The following PINK1 variants were observed in gnomAD, a reference collection of about 807,000 sequenced individuals.
PINK1 encodes the protein serine/threonine-protein kinase PINK1, mitochondrial.
PINK1 carries 58 observed loss-of-function variants against 56.0 expected under a neutral mutation model. That is an observed-to-expected ratio of 1.04 (90% CI 0.84 to 1.29). The LOEUF (loss-of-function observed/expected upper bound fraction) is 1.29. Among genes scored for constraint, PINK1 ranks in the 50% most tolerant of loss-of-function variants. PINK1 has a pLI of 0.00. For synonymous variants in PINK1, 354 were observed against 339.3 expected, an observed-to-expected ratio of 1.04 and a Z score of -0.48; for missense variants, 745 against 777.9, an observed-to-expected ratio of 0.96 and a Z score of 0.50.
At chr1:20,640,433 C>T (rs1278338763) in intron 3 of PINK1, among the ~76,000 whole-genome samples, 1 of 152,210 alleles carries the variant, frequency 6.6e-6, no homozygotes, top group East Asian at 1.9e-4. Context: ...GCCCAGAGGT[C>T]TCAGTGTGGC....
chr1:20,647,074 T>TTTTTTGGGGGGG (rs2053192936), intron 5 of PINK1, among the ~76,000 whole-genome samples: 1 of 140,366 alleles, frequency 7.1e-6, no homozygotes, highest in Admixed American at 7.2e-5. Context: ...TTTTTTTTTT[T>TTTTTTGGGGGGG]GAGACTGAGT....
At chr1:20,635,680 C>A (rs2053050012) in intron 1 of PINK1, among the ~76,000 whole-genome samples, 1 of 151,408 alleles carries the variant, frequency 6.6e-6, no homozygotes, top group Non-Finnish European at 1.5e-5. Flanking sequence ...AACCCCGCCT[C>A]TACTAAAAAT....
rs1570409349 is a variant in PINK1, at chr1:20,650,531, G to C, written c.1586G>C (p.Gly529Ala). 1.2e-6 allele frequency: 2 copies of C among 1,614,204 alleles called. No homozygotes were observed. The highest frequency in any genetic ancestry group is 1.7e-6 in the Non-Finnish European group (2 of 1,180,022). ...LKNLKLDKMV[G>A]WLLQQSAATL... ...AATCTGAAGTTAGACAAGATGGTTG[G>C]CTGGCTCCTCCAACAATCGGCCGCC... Residue 529 changes from glycine to alanine, a missense_variant, in exon 8 of 8, where the codon GGC becomes GCC. Gly to Ala is a moderately conservative substitution (Grantham distance 60, BLOSUM62 0). Transcript: ENST00000321556.
chr1:20,633,721 G>C lies in PINK1; in HGVS notation c.173G>C (p.Arg58Thr), dbSNP rs956491558. Reference protein sequence around the residue: ...WAAGPGAEPRRVGLGLPNRLR... With the variant: ...WAAGPGAEPRTVGLGLPNRLR... ...GCAGGACCGGGCGCGGAGCCTCGCA[G>C]GGTCGGGCTCGGGCTCCCTAACCGT... Residue 58 changes from arginine (R) to threonine (T), a missense_variant, in exon 1 of 8, where the codon AGG (arginine) becomes ACG (threonine). Physicochemically the swap from Arg to Thr is moderately conservative, Grantham distance 71. Coordinates refer to ENST00000321556, the MANE Select transcript of PINK1 (RefSeq NM_032409.3). The C allele has an allele frequency of 3.9e-6, 6 of 1,529,650 alleles. No individual in the cohort carries two copies. Among genetic ancestry groups the C allele is most frequent in the Non-Finnish European group, 5.2e-6 (6 of 1,144,062 alleles). The allele number at this position is 1,529,650 out of a possible 1,614,324, so 94.8% of individuals were successfully genotyped here. A position where few individuals can be genotyped will look rare whatever the true frequency, so the allele number is the denominator to read the frequency against.
intron 4 of PINK1, 85 bp downstream of exon 4, chr1:20,644,757 A>G (rs752762678): frequency 1.2e-4 from 183 of 1,529,340 alleles, no homozygotes; most frequent in Middle Eastern, 2.1e-4. Flanking sequence ...CACCTTGATC[A>G]GGGGGTTTTG....
intron 2 of PINK1, chr1:20,638,860 G>C (rs1412356397): frequency 3.3e-5 from 5 of 152,936 alleles, no homozygotes; most frequent in Non-Finnish European, 7.3e-5. Flanking sequence ...TCACTGGAGA[G>C]GGGGAACTGG....
Position 20,648,465 on chromosome 1 carries a change from G to T in PINK1, c.1124-40G>T, listed in dbSNP as rs1308890936. On this transcript the variant is annotated intron_variant, in intron 5 of 7. Coordinates refer to ENST00000321556, the MANE Select transcript of PINK1 (RefSeq NM_032409.3). ...CATAGGAGGGCCTCTCAGAGGGAAG[G>T]AGGGGAGGAGAAATGGTCACTTTGC... 6 of 1,613,378 alleles carry T rather than the reference G, an allele frequency of 3.7e-6. No homozygotes were observed. The East Asian group carries it at 1.3e-4, about 36-fold the overall frequency.
rs35813094 is a variant in PINK1 at position 20,645,623 on chromosome 1, G to A, written c.1023G>A (p.Met341Ile). The A allele has an allele frequency of 5.5e-5, 88 of 1,614,116 alleles. No individual in the cohort carries two copies. The East Asian group carries it at 1.9e-3, about 35-fold the overall frequency. ...CACCCAGCCCCCGCCTCGCCGCCATGATGCTGCTGCAGCTGCTGGAAGGCG... is the reference window on the plus strand; with the variant it reads ...CACCCAGCCCCCGCCTCGCCGCCATAATGCTGCTGCAGCTGCTGGAAGGCG... ...VNTPSPRLAA[M>I]MLLQLLEGVD... Residue 341 changes from methionine (M) to isoleucine (I), a missense_variant, in exon 5 of 8, where the codon ATG (methionine) becomes ATA (isoleucine). Met to Ile is a conservative substitution (Grantham distance 10). Transcript: ENST00000321556.
At chr1:20,635,856 ATAAAAAAT>A (rs1289407618) in intron 1 of PINK1, among the ~76,000 whole-genome samples, 2 of 100,236 alleles carry the variant, frequency 2.0e-5, no homozygotes, top group Admixed American at 1.0e-4. Context: ...CTCAAAAAAA[ATAAAAAAT>A]AAAAAAATAA....
intron 3 of PINK1, among the ~76,000 whole-genome samples, chr1:20,640,221 G>A (rs1002171599): frequency 1.2e-4 from 19 of 152,162 alleles, no homozygotes; most frequent in African/African-American, 4.6e-4. Context: ...CAGGGGAGAG[G>A]AGGCCCCCCA....
Position 20,639,968 on chromosome 1 carries a change from G to C in PINK1, c.752G>C (p.Gly251Ala), listed in dbSNP as rs763628949. 6.2e-7 allele frequency: 1 copy of C among 1,611,266 alleles called. No homozygotes were observed. The highest frequency in any genetic ancestry group is 1.1e-5 in the South Asian group (1 of 90,338). ...CCAGCGAGCCGAGTGGCCTTGGCTG[G>C]GGAGTATGGAGCAGTCACTTACAGG... Reference protein sequence around the residue: ...LVPASRVALAGEYGAVTYRKS... With the variant: ...LVPASRVALAAEYGAVTYRKS... Residue 251 changes from glycine (G) to alanine (A), a missense_variant, in exon 3 of 8, where the codon GGG (glycine) becomes GCG (alanine). By Grantham distance (60) the Gly-to-Ala change is moderately conservative. Transcript: ENST00000321556.
In PINK1 at chr1:20,651,094, G is replaced by T; in HGVS notation, c.*403G>T. The T allele has an allele frequency of 3.3e-6, 1 of 300,110 alleles. No individual in the cohort carries two copies. The highest frequency in any genetic ancestry group is 6.5e-6 in the Non-Finnish European group (1 of 154,404). The allele number at this position is 300,110 out of a possible 1,614,324, so 18.6% of individuals were successfully genotyped here. A position where few individuals can be genotyped will look rare whatever the true frequency, so the allele number is the denominator to read the frequency against. ...CTGGATGAAGGCAGACATCAACATGGGTCAGCACGTTCAGTTACGGGAGTG... is the reference window on the plus strand; with the variant it reads ...CTGGATGAAGGCAGACATCAACATGTGTCAGCACGTTCAGTTACGGGAGTG... On this transcript the variant is annotated 3_prime_UTR_variant, in exon 8 of 8. Transcript: ENST00000321556.
At chr1:20,649,580 C>T in intron 7 of PINK1, 1 of 290,462 alleles carries the variant, frequency 3.4e-6, no homozygotes, top group South Asian at 3.9e-5. Flanking sequence ...GCCTGGCCAA[C>T]ATGGTAAAAC....
intron 1 of PINK1, 84 bp downstream of exon 1, chr1:20,634,019 G>A (rs2053026591): frequency 1.3e-6 from 2 of 1,487,832 alleles, no homozygotes; most frequent in Non-Finnish European, 9.0e-7. Flanking sequence ...GCGGGGCTAG[G>A]TGTGGAGGCG....
rs765916107 is a variant in PINK1 at position 20,633,946 on chromosome 1, C to G, written c.387+11C>G. 4 of 1,581,076 alleles carry G rather than the reference C, an allele frequency of 2.5e-6. No homozygotes were observed. Among genetic ancestry groups the G allele is most frequent in the Non-Finnish European group, 3.4e-6 (4 of 1,167,646 alleles). ...TGTCAGGAGATCCAGGTGAGCGGGG[C>G]CGGGTCCTAAGCCGAGCGGAGGACG... is the stretch of plus-strand genomic sequence containing the variant. On this transcript the variant is annotated intron_variant, in intron 1 of 7. Transcript: ENST00000321556.
chr1:20,641,720 C>T lies in PINK1; in HGVS notation c.776+1728C>T, dbSNP rs1286509168. On this transcript the variant is annotated intron_variant, in intron 3 of 7. Coordinates refer to ENST00000321556, the MANE Select transcript of PINK1 (RefSeq NM_032409.3). This position sits in a 1 kb window ranked among gnomAD's most constrained non-coding sequence, Gnocchi z 4.0. ...TTGAAGGCGCTTAACCTGCTCATCTCACCACGTCTCCCGCCTTATCTCTCA... is the reference window on the plus strand; with the variant it reads ...TTGAAGGCGCTTAACCTGCTCATCTTACCACGTCTCCCGCCTTATCTCTCA... 4.6e-5 allele frequency among the ~76,000 whole-genome samples: 7 copies of T among 152,114 alleles called. No homozygotes were observed. Among genetic ancestry groups the T allele is most frequent in the Non-Finnish European group, 1.0e-4 (7 of 68,036 alleles).
chr1:20,633,504 G>A lies in PINK1; in HGVS notation c.-45G>A. 9.0e-7 allele frequency: 1 copy of A among 1,114,432 alleles called. No individual in the cohort carries two copies. 69.0% of individuals were successfully genotyped at this position (1,114,432 alleles called of 1,614,324 possible). A position where few individuals can be genotyped will look rare whatever the true frequency, so the allele number is the denominator to read the frequency against. On this transcript the variant is annotated 5_prime_UTR_variant, in exon 1 of 8. In the 5' UTR this introduces an upstream ATG that the reference lacks. Transcript: ENST00000321556. Reference sequence around the variant, plus strand: ...TTGTGACCGGCGGGGGACGCCGGTGGTGGCGGCAGCGGCGGCTGCGGGGGC... The same window carrying A: ...TTGTGACCGGCGGGGGACGCCGGTGATGGCGGCAGCGGCGGCTGCGGGGGC...
chr1:20,639,592 C>T (rs547446170), intron 2 of PINK1: 11 of 442,482 alleles, frequency 2.5e-5, no homozygotes, highest in South Asian at 1.7e-4. Context: ...CCAGAGGCAC[C>T]GATGGCAGGA....
At chr1:20,648,403 C>G in intron 5 of PINK1, 102 bp from the exon 6 acceptor site, 1 of 1,545,708 alleles carries the variant, frequency 6.5e-7, no homozygotes, top group South Asian at 1.2e-5. Context: ...GCCATTAGCC[C>G]CTGTCAGCTA....
Sources: gnomAD v4.1 joint callset for allele counts (sites outside exome capture counted in the v4.1 genomes callset) on GRCh38, gnomAD v4.1.1 for gene constraint, Gnocchi (gnomAD v3.1) non-coding constraint, MANE v1.5 for transcripts, NCBI Gene and HGNC (gene_info 2026-07-23, HGNC 2026-07-21) for gene names.